Variants in NAV2 observed in about 807,000 individuals in gnomAD.
NAV2 encodes the protein neuron navigator 2, also known as helicase, APC down-regulated 1.
Under a neutral mutation model 223.2 loss-of-function variants are expected in NAV2, and 54 were observed. The observed-to-expected ratio is 0.24, with a 90% CI of 0.19 to 0.30. The LOEUF (loss-of-function observed/expected upper bound fraction) is 0.30. NAV2 is among the 10% of genes least tolerant of loss of function. NAV2 has a pLI of 1.00. For synonymous variants in NAV2, 1,279 were observed against 1,239.3 expected (o/e 1.03, Z -0.67); for missense variants, 2,806 against 3,147.5 (o/e 0.89, Z 2.60).
intron 36 of NAV2, among the ~76,000 whole-genome samples, chr11:20,113,926 C>G (rs2062837168): frequency 6.6e-6 from 1 of 152,190 alleles, no homozygotes; most frequent in Non-Finnish European, 1.5e-5. Flanking sequence ...GCAGGAGCAT[C>G]ACTTGAGCCC....
intron 36 of NAV2, among the ~76,000 whole-genome samples, chr11:20,111,405 TATG>T (rs2153720645): frequency 6.6e-6 from 1 of 152,368 alleles, no homozygotes; most frequent in South Asian, 2.1e-4. Context: ...TGAGGAGCTT[TATG>T]ATGTTTCCTT....
intron 19 of NAV2, among the ~76,000 whole-genome samples, chr11:20,062,049 A>G (rs1380345810): frequency 3.3e-5 from 5 of 152,212 alleles, no homozygotes; most frequent in Non-Finnish European, 7.3e-5. Context: ...TTCAGTAATC[A>G]TATATTATTT....
intron 1 of NAV2, among the ~76,000 whole-genome samples, chr11:19,780,802 C>T (rs2056673430): frequency 6.6e-6 from 1 of 152,180 alleles, no homozygotes; most frequent in East Asian, 1.9e-4. Context: ...TTTCTCCACA[C>T]ACAGAGAAAA....
At chr11:19,904,583 T>C (rs1336693181) in intron 6 of NAV2, among the ~76,000 whole-genome samples, 1 of 152,196 alleles carries the variant, frequency 6.6e-6, no homozygotes, top group Admixed American at 6.5e-5. Context: ...AAGGATGTTT[T>C]TGAAAACAGT....
At chr11:19,400,329 G>C (rs1849630836) in intron 1 of NAV2, among the ~76,000 whole-genome samples, 1 of 152,188 alleles carries the variant, frequency 6.6e-6, no homozygotes, top group Non-Finnish European at 1.5e-5. Flanking sequence ...TAGAACCTCT[G>C]GTGGTGGGCT....
chr11:20,025,884 C>T (rs1264754424), intron 11 of NAV2, among the ~76,000 whole-genome samples: 2 of 152,180 alleles, frequency 1.3e-5, no homozygotes, highest in Non-Finnish European at 2.9e-5. Context: ...TCCTGCAGTC[C>T]TTGCAGCTTC....
chr11:19,732,943 T>A (rs1421130591), intron 1 of NAV2, among the ~76,000 whole-genome samples: 3 of 152,280 alleles, frequency 2.0e-5, no homozygotes, highest in African/African-American at 7.2e-5. Context: ...TTTGTGTTAA[T>A]CAATGCCTGC....
At chr11:19,672,877 C>T (rs2048608995) in intron 1 of NAV2, among the ~76,000 whole-genome samples, 1 of 152,128 alleles carries the variant, frequency 6.6e-6, no homozygotes, top group African/African-American at 2.4e-5. Context: ...CTTAAGGAGG[C>T]AGGCAGAGGA....
At chr11:20,031,155 G>A (rs772646392) in intron 11 of NAV2, among the ~76,000 whole-genome samples, 49 of 152,250 alleles carry the variant, frequency 3.2e-4, no homozygotes, top group African/African-American at 1.1e-3. Flanking sequence ...TCATAGCTGC[G>A]TACACTGTAG....
chr11:19,745,052 C>A (rs754007865), intron 1 of NAV2, among the ~76,000 whole-genome samples: 1 of 152,200 alleles, frequency 6.6e-6, no homozygotes, highest in Non-Finnish European at 1.5e-5. Context: ...TATTCCCTAT[C>A]GCTCTCTAGC....
At chr11:19,401,536 A>G (rs1015393024) in intron 1 of NAV2, among the ~76,000 whole-genome samples, 3 of 152,228 alleles carry the variant, frequency 2.0e-5, no homozygotes, top group African/African-American at 7.2e-5. Flanking sequence ...AGAGCGAGAC[A>G]GGGATATGTC....
intron 24 of NAV2, among the ~76,000 whole-genome samples, chr11:20,079,707 C>T (rs1056542027): frequency 6.6e-6 from 1 of 152,110 alleles, no homozygotes; most frequent in African/African-American, 2.4e-5. Flanking sequence ...GTGACAGGAG[C>T]CCAGAGAGCA....
intron 10 of NAV2, among the ~76,000 whole-genome samples, chr11:19,981,670 C>T (rs559665782): frequency 4.6e-5 from 7 of 152,274 alleles, no homozygotes; most frequent in Admixed American, 1.3e-4. Context: ...CTGAGTTCTC[C>T]TTGAAAGGAC....
chr11:19,882,049 T>G (rs2063247275), intron 5 of NAV2, among the ~76,000 whole-genome samples: 1 of 152,146 alleles, frequency 6.6e-6, no homozygotes, highest in Non-Finnish European at 1.5e-5. Flanking sequence ...TTAAACTGGA[T>G]AGGGTTTGGA....
At chr11:19,631,036 T>C (rs1218119283) in intron 1 of NAV2, among the ~76,000 whole-genome samples, 2 of 150,750 alleles carry the variant, frequency 1.3e-5, no homozygotes, top group South Asian at 2.1e-4. Context: ...TATTTTACTA[T>C]ATTTATTACA....
chr11:19,647,162 G>A (rs1328560628), intron 1 of NAV2, among the ~76,000 whole-genome samples: 1 of 152,182 alleles, frequency 6.6e-6, no homozygotes, highest in Non-Finnish European at 1.5e-5. Flanking sequence ...TCAGCACTTA[G>A]AAAACCACAG....
At position 19,532,771 on chromosome 11, in the gene NAV2, C is replaced by T. The variant is rs1418839472; in HGVS notation, c.75+181744C>T. ...CATGTGGCTGGAGCCCAAGGGCAACCCCTTCTTATGACACGAGGCAACTTC... is the reference window on the plus strand; with the variant it reads ...CATGTGGCTGGAGCCCAAGGGCAACTCCTTCTTATGACACGAGGCAACTTC... On this transcript the variant is annotated intron_variant, in intron 1 of 37. Coordinates refer to the NAV2 transcript ENST00000360655. Among the ~76,000 whole-genome samples, 6 of 152,252 alleles carry T rather than the reference C, an allele frequency of 3.9e-5. No homozygotes were observed. In the East Asian group the frequency reaches 1.2e-3, roughly 29 times the overall value.
chr11:19,596,824 A>G (rs984112492), intron 1 of NAV2, among the ~76,000 whole-genome samples: 1 of 152,224 alleles, frequency 6.6e-6, no homozygotes, highest in Non-Finnish European at 1.5e-5. Context: ...AGTGTTTACC[A>G]TGCACCAAGC....
At chr11:19,648,020 T>C (rs1808511196) in intron 1 of NAV2, among the ~76,000 whole-genome samples, 1 of 152,258 alleles carries the variant, frequency 6.6e-6, no homozygotes, top group South Asian at 2.1e-4. Context: ...GGCTTCTCTG[T>C]AGGGGAGGGT....
Sources: gnomAD v4.1 joint callset for allele counts (sites outside exome capture counted in the v4.1 genomes callset) on GRCh38, gnomAD v4.1.1 for gene constraint, MANE v1.5 for transcripts, NCBI Gene and HGNC (gene_info 2026-07-23, HGNC 2026-07-21) for gene names.